ECE1: variants seen among roughly 807,000 people sequenced by gnomAD.
ECE1 encodes the protein endothelin converting enzyme 1, also known as endothelin-converting enzyme 1.
In ECE1, 35 loss-of-function variants were observed where a neutral mutation model predicts 98.6. The ratio of observed to expected loss-of-function variants is 0.35; its 90% CI spans 0.27 to 0.47. ECE1 has a LOEUF of 0.47. Ranked by LOEUF, ECE1 falls within the 20% of genes least tolerant of loss-of-function variation. The pLI is 1.00. For synonymous variants in ECE1, 394 were observed against 407.1 expected (o/e 0.97, Z 0.39); for missense variants, 814 against 1,025.3 (o/e 0.79, Z 2.81).
intron 1 of ECE1, among the ~76,000 whole-genome samples, chr1:21,328,635 C>T (rs61781577): frequency 0.078 from 11,779 of 151,970 alleles, 566 homozygotes; most frequent in Middle Eastern, 0.11. Flanking sequence ...TGGTGGCGGG[C>T]GCCTGTGATC....
chr1:21,274,609 C>T (rs1308178646), intron 3 of ECE1, among the ~76,000 whole-genome samples: 1 of 152,246 alleles, frequency 6.6e-6, no homozygotes, highest in African/African-American at 2.4e-5. Context: ...AAAGAACGCA[C>T]GAGCTAGTAT....
intron 11 of ECE1, 39 bp from the exon 12 acceptor site, chr1:21,236,883 T>C (rs1380842352): frequency 1.3e-6 from 2 of 1,567,936 alleles, no homozygotes; most frequent in African/African-American, 1.3e-5. Flanking sequence ...GTCTGCGCAC[T>C]GGTCTCAGGT....
At chr1:21,302,954 A>C (rs213060) in intron 1 of ECE1, among the ~76,000 whole-genome samples, 70,631 of 151,908 alleles carry the variant, frequency 0.46, 16,828 homozygotes, top group African/African-American at 0.58. Flanking sequence ...CCTCATCTCC[A>C]GCTCTCCCCT....
intron 1 of ECE1, chr1:21,299,054 T>G: frequency 2.8e-6 from 1 of 357,820 alleles, no homozygotes; most frequent in South Asian, 2.0e-5. Flanking sequence ...CCAAGCGCTC[T>G]CTGACAATGT....
chr1:21,305,075 A>G, intron 1 of ECE1, among the ~76,000 whole-genome samples: 1 of 152,234 alleles, frequency 6.6e-6, no homozygotes, highest in East Asian at 1.9e-4. Flanking sequence ...CATGAGCCAC[A>G]TGTGGCTATT....
At chr1:21,221,616 T>C (rs1210037640) in intron 18 of ECE1, 131 bp downstream of exon 18, 13 of 932,130 alleles carry the variant, frequency 1.4e-5, no homozygotes, top group Admixed American at 1.0e-4. Context: ...ACAGGGCACA[T>C]GTGCTGTGCA....
Position 21,307,579 on chromosome 1 carries a change from C to T in ECE1, c.4-17423G>A, listed in dbSNP as rs1234016797. On this transcript the variant is annotated intron_variant, in intron 1 of 18. Coordinates refer to the ECE1 transcript ENST00000415912. This position sits in a 1 kb window ranked among gnomAD's most constrained non-coding sequence, Gnocchi z 4.2. Reference sequence around the variant, plus strand: ...AGGACGTCAGCAGCAGAGGGGCCTCCAGAGGACATTTTCTTGCACCCCAGG... The same window carrying T: ...AGGACGTCAGCAGCAGAGGGGCCTCTAGAGGACATTTTCTTGCACCCCAGG... Among the ~76,000 whole-genome samples, 2 of 152,154 alleles carry T rather than the reference C, an allele frequency of 1.3e-5. No homozygotes were observed. The highest frequency in any genetic ancestry group is 6.5e-5 in the Admixed American group (1 of 15,274).
At chr1:21,236,070 G>T in intron 12 of ECE1, 143 bp from the exon 13 acceptor site, 1 of 806,672 alleles carries the variant, frequency 1.2e-6, no homozygotes, top group Admixed American at 1.9e-5. Context: ...TCTTTTTCTG[G>T]AAAGGTTTCC....
At chr1:21,265,868 G>A (rs1178406596) in intron 4 of ECE1, among the ~76,000 whole-genome samples, 1 of 152,134 alleles carries the variant, frequency 6.6e-6, no homozygotes, top group East Asian at 1.9e-4. Flanking sequence ...GACACATTTT[G>A]GAGACAGCAG....
intron 14 of ECE1, among the ~76,000 whole-genome samples, chr1:21,228,932 C>T (rs1448416061): frequency 6.6e-6 from 1 of 151,736 alleles, no homozygotes; most frequent in African/African-American, 2.4e-5. Flanking sequence ...CCTCCGCCCC[C>T]CGGGGTTCAC....
intron 1 of ECE1, among the ~76,000 whole-genome samples, chr1:21,302,399 C>T (rs1412158582): frequency 6.6e-6 from 1 of 152,244 alleles, no homozygotes; most frequent in Non-Finnish European, 1.5e-5. Context: ...TGAGCCTCGA[C>T]TTTCTCATTG....
chr1:21,258,958 C>G lies in ECE1; in HGVS notation c.616-119G>C. On this transcript the variant is annotated intron_variant, in intron 5 of 18. Coordinates refer to ENST00000374893, the MANE Select transcript of ECE1 (RefSeq NM_001397.3). This position sits in a 1 kb window ranked among gnomAD's most constrained non-coding sequence, Gnocchi z 4.2. Reference sequence around the variant, plus strand: ...GGAGCAGTCGCCTGACCTCTCTGAGCCTCAAGAGCAAAGGAAAGGATTGGT... The same window carrying G: ...GGAGCAGTCGCCTGACCTCTCTGAGGCTCAAGAGCAAAGGAAAGGATTGGT... 7.2e-7 allele frequency: 1 copy of G among 1,389,708 alleles called. No homozygotes were observed. 86.1% of individuals were successfully genotyped at this position (1,389,708 alleles called of 1,614,324 possible).
intron 1 of ECE1, among the ~76,000 whole-genome samples, chr1:21,310,139 C>T (rs1182628629): frequency 6.6e-6 from 1 of 152,212 alleles, no homozygotes; most frequent in African/African-American, 2.4e-5. Flanking sequence ...CTCACATTGC[C>T]TCAGAGGGAG....
chr1:21,301,818 CCT>C (rs1424514840), intron 1 of ECE1, among the ~76,000 whole-genome samples: 89 of 130,476 alleles, frequency 6.8e-4, no homozygotes, highest in Non-Finnish European at 1.3e-3. Context: ...AGAGTGAGAC[CCT>C]GTCTCAGAAA....
intron 3 of ECE1, among the ~76,000 whole-genome samples, chr1:21,278,691 C>T (rs1343542610): frequency 2.0e-5 from 3 of 152,018 alleles, no homozygotes; most frequent in Non-Finnish European, 4.4e-5. Context: ...GTATTTGGTC[C>T]GAGGAAATAA....
intron 2 of ECE1, among the ~76,000 whole-genome samples, chr1:21,280,643 G>A (rs1417199830): frequency 6.6e-6 from 1 of 152,204 alleles, no homozygotes; most frequent in African/African-American, 2.4e-5. Context: ...CAGGGAAGAT[G>A]AGGAGACTCA....
chr1:21,257,742 G>T, intron 6 of ECE1, 152 bp from the exon 7 acceptor site: 1 of 822,574 alleles, frequency 1.2e-6, no homozygotes, highest in South Asian at 1.5e-5. Context: ...TCACTGAGAA[G>T]CCCACTCAGG....
At chr1:21,261,014 C>T (rs2098226154) in intron 4 of ECE1, among the ~76,000 whole-genome samples, 1 of 152,192 alleles carries the variant, frequency 6.6e-6, no homozygotes, top group African/African-American at 2.4e-5. Context: ...ATTCTGTTCC[C>T]TTCTCCCTCA....
Position 21,225,925 on chromosome 1 carries a change from C to T in ECE1, c.1850-485G>A, listed in dbSNP as rs550687646. ...GGCCAGGCTGGTCTTGAACTCCTGA[C>T]CTCAAGTGATCTGCCCACCTCAGCC... On this transcript the variant is annotated intron_variant, in intron 16 of 18. Transcript: ENST00000374893. This position sits in a 1 kb window ranked among gnomAD's most constrained non-coding sequence, Gnocchi z 5.3. Among the ~76,000 whole-genome samples the T allele has an allele frequency of 1.2e-4, 18 of 151,816 alleles. No homozygotes were observed. Among genetic ancestry groups the T allele is most frequent in the Admixed American group, 4.6e-4 (7 of 15,222 alleles).
Sources: allele counts gnomAD v4.1 joint callset (sites outside exome capture counted in the v4.1 genomes callset), GRCh38; gene constraint gnomAD v4.1.1; non-coding constraint Gnocchi (gnomAD v3.1); transcripts MANE v1.5; gene names NCBI Gene and HGNC (gene_info 2026-07-23, HGNC 2026-07-21).